Variants in RALGAPA2 observed in about 807,000 individuals in gnomAD.
RALGAPA2 encodes the protein ral GTPase-activating protein subunit alpha-2.
A neutral mutation model predicts 230.4 loss-of-function variants in RALGAPA2; 139 were observed. The ratio of observed to expected loss-of-function variants is 0.60; its 90% CI spans 0.53 to 0.69. The LOEUF (loss-of-function observed/expected upper bound fraction) is 0.69, where lower values mean the gene tolerates loss of function less well. Ranked by LOEUF, RALGAPA2 falls within the 30% of genes least tolerant of loss-of-function variation. The pLI is 0.00. For missense variants in RALGAPA2, 2,163 were observed against 2,276.0 expected (o/e 0.95, Z 1.01); for synonymous variants, 847 against 837.8 (o/e 1.01, Z -0.19).
intron 1 of RALGAPA2, among the ~76,000 whole-genome samples, chr20:20,689,011 C>G (rs1031229806): frequency 1.3e-5 from 2 of 152,114 alleles, no homozygotes; most frequent in African/African-American, 2.4e-5. Flanking sequence ...AATGATGGAG[C>G]AAATGTATGT....
intron 33 of RALGAPA2, among the ~76,000 whole-genome samples, chr20:20,510,460 AC>A (rs2062669645): frequency 6.6e-6 from 1 of 152,138 alleles, no homozygotes; most frequent in African/African-American, 2.4e-5. Flanking sequence ...ATTGAGGAAA[AC>A]AACCTGAATT....
At chr20:20,512,216 A>AC (rs1403287791) in intron 32 of RALGAPA2, among the ~76,000 whole-genome samples, 2 of 124,480 alleles carry the variant, frequency 1.6e-5, no homozygotes, top group African/African-American at 3.3e-5. Flanking sequence ...AACAACAACA[A>AC]CCCCCCCTAC....
intron 37 of RALGAPA2, among the ~76,000 whole-genome samples, chr20:20,421,396 C>T (rs141120461): frequency 1.5e-4 from 23 of 152,298 alleles, no homozygotes; most frequent in African/African-American, 4.8e-4. Flanking sequence ...ACAGGCCAGG[C>T]GCAGTGGCTC....
intron 24 of RALGAPA2, among the ~76,000 whole-genome samples, chr20:20,545,050 T>G (rs1426626908): frequency 1.3e-5 from 2 of 152,214 alleles, no homozygotes; most frequent in African/African-American, 4.8e-5. Context: ...TAAAGAAGTA[T>G]GATTTCCCTT....
chr20:20,657,638 G>A (rs941448676), intron 3 of RALGAPA2, among the ~76,000 whole-genome samples: 13 of 152,174 alleles, frequency 8.5e-5, no homozygotes, highest in African/African-American at 2.9e-4. Flanking sequence ...TTCTCCCCAT[G>A]CTTTCTGTGC....
intron 23 of RALGAPA2, 145 bp from the exon 24 acceptor site, chr20:20,546,977 A>C: frequency 1.1e-6 from 1 of 884,000 alleles, no homozygotes; most frequent in Non-Finnish European, 1.6e-6. Flanking sequence ...GGATATTGGA[A>C]ACAGAGTTAC....
At chr20:20,531,661 C>T (rs770747857) in intron 27 of RALGAPA2, 26 bp downstream of exon 27, 1 of 1,522,622 alleles carries the variant, frequency 6.6e-7, no homozygotes, top group African/African-American at 1.4e-5. Flanking sequence ...GCTTAATATC[C>T]AATCAGCACC....
At chr20:20,458,773 C>T (rs1477278176) in intron 37 of RALGAPA2, among the ~76,000 whole-genome samples, 6 of 117,170 alleles carry the variant, frequency 5.1e-5, no homozygotes, top group African/African-American at 1.6e-4. Context: ...TATATATAGA[C>T]CTATATATAT....
chr20:20,549,485 G>A (rs2063865026), intron 23 of RALGAPA2, among the ~76,000 whole-genome samples: 1 of 152,100 alleles, frequency 6.6e-6, no homozygotes, highest in Non-Finnish European at 1.5e-5. Flanking sequence ...GCCCTGAGGA[G>A]ACACAGCGCC....
chr20:20,511,220 C>T (rs1416296416), intron 33 of RALGAPA2, 34 bp downstream of exon 33: 1 of 1,553,530 alleles, frequency 6.4e-7, no homozygotes, highest in Non-Finnish European at 8.7e-7. Flanking sequence ...CAAAGACAAA[C>T]AGGAAAAAAG....
intron 4 of RALGAPA2, among the ~76,000 whole-genome samples, chr20:20,648,179 T>C (rs1041899775): frequency 6.6e-6 from 1 of 152,180 alleles, no homozygotes; most frequent in Non-Finnish European, 1.5e-5. Flanking sequence ...GAACTATTAA[T>C]TCATGAAATA....
chr20:20,393,255 T>G lies in RALGAPA2; in HGVS notation c.*36-2A>C, dbSNP rs1166405799. 6 of 1,341,424 alleles carry G rather than the reference T, an allele frequency of 4.5e-6. No homozygotes were observed. The South Asian group carries it at 6.0e-5, about 13-fold the overall frequency. The allele number at this position is 1,341,424 out of a possible 1,614,324, so 83.1% of individuals were successfully genotyped here. Reference sequence around the variant, plus strand: ...CACTCAGACTGGAGGCCAGGGCCCCTGCAAAGGAAGCAGAGAACTGCTAAG... The same window carrying G: ...CACTCAGACTGGAGGCCAGGGCCCCGGCAAAGGAAGCAGAGAACTGCTAAG... On this transcript the variant is annotated splice_acceptor_variant, in intron 39 of 39. Coordinates refer to ENST00000202677, the MANE Select transcript of RALGAPA2 (RefSeq NM_020343.4). LOFTEE classifies it low-confidence loss of function (3UTR_SPLICE).
At chr20:20,521,156 C>T (rs2145445596) in intron 30 of RALGAPA2, 56 bp from the exon 31 acceptor site, 26 of 1,453,990 alleles carry the variant, frequency 1.8e-5, no homozygotes, top group Non-Finnish European at 2.4e-5. Context: ...TGTCCCCTGA[C>T]AATCTGTCAA....
intron 37 of RALGAPA2, among the ~76,000 whole-genome samples, chr20:20,430,051 T>C (rs2060470047): frequency 6.6e-6 from 1 of 152,254 alleles, no homozygotes; most frequent in African/African-American, 2.4e-5. Flanking sequence ...CCTGGCCCTG[T>C]GACCTCAGGC....
At position 20,620,630 on chromosome 20, in the gene RALGAPA2, C is replaced by A; in HGVS notation, c.1234G>T (p.Ala412Ser). ...ATCTCACAGGAAGGCAACAAAAATG[C>A]CTGAAAGGAAAAGAGAAAACTCCCT... is the stretch of plus-strand genomic sequence containing the variant. ...VNFVNEVFHQAFLLPSCEIAV... is the reference protein window; with the variant it reads ...VNFVNEVFHQSFLLPSCEIAV... Residue 412 changes from alanine to serine, a missense_variant and splice_region_variant, in exon 11 of 40, where the codon GCA becomes TCA. Ala to Ser is a moderately conservative substitution (Grantham distance 99). Transcript: ENST00000202677. The A allele has an allele frequency of 6.2e-7, 1 of 1,605,122 alleles. No individual in the cohort carries two copies. Among genetic ancestry groups the A allele is most frequent in the Non-Finnish European group, 8.5e-7 (1 of 1,176,188 alleles).
chr20:20,629,421 T>C lies in RALGAPA2; in HGVS notation c.1175A>G (p.Gln392Arg). 6.2e-7 allele frequency: 1 copy of C among 1,613,880 alleles called. No individual in the cohort carries two copies. Among genetic ancestry groups the C allele is most frequent in the Non-Finnish European group, 8.5e-7 (1 of 1,179,866 alleles). The change falls in exon 10 of 40, where the codon CAG becomes CGG. Residue 392 changes from glutamine to arginine, a missense_variant. Physicochemically the swap from Gln to Arg is conservative, Grantham distance 43. Transcript: ENST00000202677. ...ACCTCGTGTTGACAAGAGAATCCGC[T>C]GTACCATTTCATACACCATTCGGTG... ...EEHRMVYEMV[Q>R]RILLSTRGYV...
chr20:20,698,476 A>G (rs2069211688), intron 1 of RALGAPA2, among the ~76,000 whole-genome samples: 1 of 152,110 alleles, frequency 6.6e-6, no homozygotes, highest in Admixed American at 6.6e-5. Flanking sequence ...TGCAACCTCC[A>G]TATCCCGGGT....
chr20:20,607,091 T>C (rs1278189409), intron 14 of RALGAPA2, among the ~76,000 whole-genome samples: 2 of 152,208 alleles, frequency 1.3e-5, no homozygotes, highest in East Asian at 1.9e-4. Flanking sequence ...CAGATGCAAA[T>C]AGGCTCCCAC....
intron 37 of RALGAPA2, among the ~76,000 whole-genome samples, chr20:20,412,576 G>A (rs1028540271): frequency 2.3e-4 from 35 of 152,156 alleles, no homozygotes; most frequent in Admixed American, 5.2e-4. Flanking sequence ...TGATACGACA[G>A]TGCAGACGCT....
Sources: allele counts gnomAD v4.1 joint callset (sites outside exome capture counted in the v4.1 genomes callset), GRCh38; gene constraint gnomAD v4.1.1; transcripts MANE v1.5; gene names NCBI Gene and HGNC (gene_info 2026-07-23, HGNC 2026-07-21).